PTK7: variants seen among roughly 807,000 people sequenced by gnomAD.
PTK7 encodes protein tyrosine kinase 7 (inactive).
Under a neutral mutation model 116.6 loss-of-function variants are expected in PTK7, and 39 were observed. That is an observed-to-expected ratio of 0.33 (90% CI 0.26 to 0.44). The LOEUF is 0.44. Ranked by LOEUF, PTK7 falls within the 20% of genes least tolerant of loss-of-function variation. The pLI is 1.00. For missense variants in PTK7, 1,169 were observed against 1,425.6 expected (o/e 0.82, Z 2.90); for synonymous variants, 546 against 563.6 (o/e 0.97, Z 0.44).
chr6:43,159,019 A>T, intron 18 of PTK7, 51 bp downstream of exon 18: 1 of 1,603,390 alleles, frequency 6.2e-7, no homozygotes, highest in Non-Finnish European at 8.5e-7. Context: ...CCAGAGGGTG[A>T]GGGGCAGAGG....
chr6:43,110,605 G>T (rs567294746), intron 1 of PTK7, among the ~76,000 whole-genome samples: 179 of 151,224 alleles, frequency 1.2e-3, no homozygotes, highest in African/African-American at 4.1e-3. Flanking sequence ...TTAGAGACAG[G>T]GTTTCACCAT....
At chr6:43,157,364 A>ATATTT (rs70990168) in intron 17 of PTK7, among the ~76,000 whole-genome samples, 5 of 54,362 alleles carry the variant, frequency 9.2e-5, no homozygotes, top group Admixed American at 2.4e-4. Context: ...ATATATATAT[A>ATATTT]TTTTTTTTTT....
At chr6:43,117,683 G>A (rs1341630210) in intron 1 of PTK7, among the ~76,000 whole-genome samples, 1 of 152,112 alleles carries the variant, frequency 6.6e-6, no homozygotes, top group East Asian at 1.9e-4. Context: ...CGCCAGGCAG[G>A]AGGCAGAGCA....
At chr6:43,140,439 C>T (rs1268264369) in intron 10 of PTK7, among the ~76,000 whole-genome samples, 8 of 137,006 alleles carry the variant, frequency 5.8e-5, no homozygotes, top group Admixed American at 2.4e-4. Flanking sequence ...GGTGGCAGAG[C>T]GAGACTCCAT....
chr6:43,146,142 A>G (rs1365525694), intron 16 of PTK7: 1 of 154,252 alleles, frequency 6.5e-6, no homozygotes, highest in Non-Finnish European at 1.4e-5. Flanking sequence ...AGCCTGGGCA[A>G]CATAGCAAGA....
intron 1 of PTK7, among the ~76,000 whole-genome samples, chr6:43,097,875 T>G (rs1230612644): frequency 1.3e-5 from 2 of 152,190 alleles, no homozygotes; most frequent in Non-Finnish European, 2.9e-5. Context: ...TTCTTTTTGT[T>G]GCCTACAACT....
At chr6:43,127,376 C>T (rs1047668144) in intron 1 of PTK7, among the ~76,000 whole-genome samples, 12 of 152,202 alleles carry the variant, frequency 7.9e-5, no homozygotes, top group African/African-American at 2.4e-4. Flanking sequence ...CTCCTGCCGC[C>T]GCCGTAACCA....
intron 1 of PTK7, among the ~76,000 whole-genome samples, chr6:43,102,836 A>C (rs1041730518): frequency 6.6e-6 from 1 of 152,192 alleles, no homozygotes; most frequent in African/African-American, 2.4e-5. Context: ...ATGCTATAAG[A>C]AAGAATATAG....
chr6:43,107,952 C>T lies in PTK7; in HGVS notation c.80-21025C>T, dbSNP rs913193329. On this transcript the variant is annotated intron_variant, in intron 1 of 19. Coordinates refer to ENST00000230419, the MANE Select transcript of PTK7 (RefSeq NM_002821.5). Reference sequence around the variant, plus strand: ...TGTAAGCACATGAAATGTTAAATAGCGGTATTAGGGTTTTAACAGTTATTT... The same window carrying T: ...TGTAAGCACATGAAATGTTAAATAGTGGTATTAGGGTTTTAACAGTTATTT... Among the ~76,000 whole-genome samples the T allele has an allele frequency of 2.4e-4, 37 of 152,084 alleles. 1 individual carries two copies. The highest frequency in any genetic ancestry group is 1.5e-5 in the Non-Finnish European group (1 of 68,022).
At chr6:43,099,467 T>C (rs1767445751) in intron 1 of PTK7, among the ~76,000 whole-genome samples, 1 of 151,870 alleles carries the variant, frequency 6.6e-6, no homozygotes, top group Non-Finnish European at 1.5e-5. Flanking sequence ...ACTCCTGAAC[T>C]CCAGCAGTCT....
At position 43,115,946 on chromosome 6, in the gene PTK7, A is replaced by AG. The variant is rs374748137; in HGVS notation, c.80-13031_80-13030insG. On this transcript the variant is annotated intron_variant, in intron 1 of 19. Transcript: ENST00000230419. ...CCATCTCAAAAAAAAAAAAAAAAAA[A>AG]AGGCAGTGGGCCCTGTGCAAAATCC... is the stretch of plus-strand genomic sequence containing the variant. 7.2e-3 allele frequency among the ~76,000 whole-genome samples: 497 copies of AG among 68,684 alleles called. 25 individuals are homozygous for AG. The highest frequency in any genetic ancestry group is 0.03 in the African/African-American group (409 of 13,744). The allele number at this position is 68,684 out of a possible 152,430, so 45.1% of individuals were successfully genotyped here. A position where few individuals can be genotyped will look rare whatever the true frequency, so the allele number is the denominator to read the frequency against.
chr6:43,081,458 G>T (rs1766373638), intron 1 of PTK7, among the ~76,000 whole-genome samples: 1 of 152,060 alleles, frequency 6.6e-6, no homozygotes, highest in South Asian at 2.1e-4. Context: ...CAGGCTGGAG[G>T]CATTGGCACG....
chr6:43,134,282 A>T (rs1335172015), intron 7 of PTK7, among the ~76,000 whole-genome samples: 2 of 151,898 alleles, frequency 1.3e-5, no homozygotes, highest in African/African-American at 4.8e-5. Context: ...CAAGTGATCC[A>T]CCTGCCTCGG....
At chr6:43,158,428 A>G (rs1224510936) in intron 17 of PTK7, among the ~76,000 whole-genome samples, 1 of 152,148 alleles carries the variant, frequency 6.6e-6, no homozygotes, top group Non-Finnish European at 1.5e-5. Context: ...TGATCATGTC[A>G]CTGCACTCTA....
chr6:43,129,469 AC>A lies in PTK7; in HGVS notation c.367+208del. 1.2e-6 allele frequency: 1 copy of A among 814,602 alleles called. No individual in the cohort carries two copies. Among genetic ancestry groups the A allele is most frequent in the Non-Finnish European group, 1.9e-6 (1 of 532,512 alleles). The allele number at this position is 814,602 out of a possible 1,614,324, so 50.5% of individuals were successfully genotyped here. A position where few individuals can be genotyped will look rare whatever the true frequency, so the allele number is the denominator to read the frequency against. On this transcript the variant is annotated intron_variant, in intron 2 of 19. Coordinates refer to ENST00000230419, the MANE Select transcript of PTK7 (RefSeq NM_002821.5). This position sits in a 1 kb window ranked among gnomAD's most constrained non-coding sequence, Gnocchi z 4.5. ...CAAAATTTTTTCCTTCAAGTCTGGG[AC>A]CCATTTATCTGCTGCATGCTTGTGC...
chr6:43,129,543 G>A lies in PTK7; in HGVS notation c.368-184G>A. 3 of 680,184 alleles carry A rather than the reference G, an allele frequency of 4.4e-6. No individual in the cohort carries two copies. In the South Asian group the frequency reaches 5.8e-5, roughly 13 times the overall value. The allele number at this position is 680,184 out of a possible 1,614,324, so 42.1% of individuals were successfully genotyped here. A position where few individuals can be genotyped will look rare whatever the true frequency, so the allele number is the denominator to read the frequency against. The stretch of plus-strand genomic sequence containing the variant: ...CTTGGCCAAGTGTCAGACTTGACCT[G>A]CCAGGGACCAGGCAGGCACTTAGTA... On this transcript the variant is annotated intron_variant, in intron 2 of 19. Transcript: ENST00000230419. This position sits in a 1 kb window ranked among gnomAD's most constrained non-coding sequence, Gnocchi z 4.5.
chr6:43,092,471 G>T (rs1767002217), intron 1 of PTK7, among the ~76,000 whole-genome samples: 1 of 152,164 alleles, frequency 6.6e-6, no homozygotes, highest in South Asian at 2.1e-4. Context: ...ATGTATAAAT[G>T]AAACTTTATT....
At chr6:43,112,662 C>T (rs1290545735) in intron 1 of PTK7, among the ~76,000 whole-genome samples, 1 of 152,260 alleles carries the variant, frequency 6.6e-6, no homozygotes, top group East Asian at 1.9e-4. Flanking sequence ...GATCTGCCCA[C>T]CTCAGCCTCC....
In PTK7 at chr6:43,145,680, G is replaced by A. The variant is rs1770687289; in HGVS notation, c.2640+248G>A. 1 of 311,492 alleles carries A rather than the reference G, an allele frequency of 3.2e-6. No individual in the cohort carries two copies. Among genetic ancestry groups the A allele is most frequent in the Admixed American group, 4.9e-5 (1 of 20,552 alleles). The allele number at this position is 311,492 out of a possible 1,614,324, so 19.3% of individuals were successfully genotyped here. On this transcript the variant is annotated intron_variant, in intron 16 of 19. Transcript: ENST00000230419. The surrounding 1 kb of genome is among the most constrained non-coding windows in gnomAD (Gnocchi z 4.8). ...TGTATCTCAGGGGCGTTGGTCCTAA[G>A]TTTTTCTGGGACTTCTCACTGTCAC...
Sources: allele counts gnomAD v4.1 joint callset (sites outside exome capture counted in the v4.1 genomes callset), GRCh38; gene constraint gnomAD v4.1.1; non-coding constraint Gnocchi (gnomAD v3.1); transcripts MANE v1.5; gene names NCBI Gene and HGNC (gene_info 2026-07-23, HGNC 2026-07-21).